The following MCTP1 variants were observed in gnomAD, a reference collection of about 807,000 sequenced individuals.
MCTP1 encodes the protein multiple C2 and transmembrane domain containing 1.
MCTP1 carries 69 observed loss-of-function variants against 120.6 expected under a neutral mutation model. That is an observed-to-expected ratio of 0.57 (90% CI 0.47 to 0.70). MCTP1 has a LOEUF of 0.70. MCTP1 is among the 30% of genes least tolerant of loss of function. The probability of loss-of-function intolerance (pLI) is 0.00; values close to 1 mark genes in which losing one functional copy is unlikely to be tolerated. For synonymous variants in MCTP1, 529 were observed against 493.1 expected (o/e 1.07, Z -0.96); for missense variants, 1,203 against 1,248.8 (o/e 0.96, Z 0.55).
chr5:95,096,366 C>T (rs184096071), intron 1 of MCTP1, among the ~76,000 whole-genome samples: 7 of 152,282 alleles, frequency 4.6e-5, no homozygotes, highest in Admixed American at 4.6e-4. Context: ...GAGACACTGA[C>T]ATATTCACAA....
intron 3 of MCTP1, among the ~76,000 whole-genome samples, chr5:94,950,151 AGTATT>A (rs1457284908): frequency 6.6e-6 from 1 of 152,106 alleles, no homozygotes; most frequent in African/African-American, 2.4e-5. Context: ...AATATTATAA[AGTATT>A]GTATATAATA....
chr5:94,955,439 G>T (rs1023921807), intron 2 of MCTP1, among the ~76,000 whole-genome samples: 1 of 152,194 alleles, frequency 6.6e-6, no homozygotes, highest in African/African-American at 2.4e-5. Flanking sequence ...CCTGGTAAGG[G>T]GGCTAAAGCC....
intron 2 of MCTP1, among the ~76,000 whole-genome samples, chr5:94,998,866 C>G (rs1833110625): frequency 6.6e-6 from 1 of 152,104 alleles, no homozygotes; most frequent in African/African-American, 2.4e-5. Context: ...TAGACATTGC[C>G]CAAACCTGAT....
At chr5:94,789,179 CA>C (rs1171344930) in intron 18 of MCTP1, 2 of 152,174 alleles carry the variant, frequency 1.3e-5, no homozygotes, top group African/African-American at 4.8e-5. Context: ...TTCTTATATG[CA>C]TCTCTGGAGA....
intron 17 of MCTP1, among the ~76,000 whole-genome samples, chr5:94,843,096 A>T (rs1021144453): frequency 6.6e-6 from 1 of 151,794 alleles, no homozygotes; most frequent in Non-Finnish European, 1.5e-5. Flanking sequence ...TATATTTTTT[A>T]TCAGTCTAGA....
chr5:94,896,599 G>A (rs1352721045), intron 10 of MCTP1, among the ~76,000 whole-genome samples: 1 of 152,106 alleles, frequency 6.6e-6, no homozygotes, highest in East Asian at 1.9e-4. Flanking sequence ...TGCATTTAAT[G>A]CTTTACAGGT....
intron 1 of MCTP1, among the ~76,000 whole-genome samples, chr5:95,051,194 A>G (rs1007373948): frequency 6.6e-6 from 1 of 152,180 alleles, no homozygotes; most frequent in Non-Finnish European, 1.5e-5. Context: ...CTTAAAAGTT[A>G]TTTATTTTAA....
intron 12 of MCTP1, among the ~76,000 whole-genome samples, chr5:94,885,836 C>G (rs1289131095): frequency 2.0e-5 from 3 of 152,292 alleles, no homozygotes; most frequent in Middle Eastern, 3.4e-3. Context: ...AGCTGACCAA[C>G]TTTTCAAACC....
At chr5:95,153,232 T>TC (rs770055900) in intron 1 of MCTP1, among the ~76,000 whole-genome samples, 2 of 151,982 alleles carry the variant, frequency 1.3e-5, no homozygotes, top group Non-Finnish European at 2.9e-5. Flanking sequence ...TGTTTGGCAT[T>TC]CCCCCCGACC....
At chr5:95,234,591 C>T (rs540458021) in intron 1 of MCTP1, among the ~76,000 whole-genome samples, 6 of 152,286 alleles carry the variant, frequency 3.9e-5, no homozygotes, top group Admixed American at 3.3e-4. Context: ...TCTATTCCTA[C>T]TCCTGAAACC....
chr5:94,859,609 C>A (rs777120144), intron 17 of MCTP1, among the ~76,000 whole-genome samples: 2 of 151,528 alleles, frequency 1.3e-5, no homozygotes, highest in African/African-American at 4.8e-5. Context: ...GAAAGCAAAA[C>A]GAAAAGAATT....
chr5:94,990,778 G>A (rs547155367), intron 2 of MCTP1, among the ~76,000 whole-genome samples: 40 of 152,186 alleles, frequency 2.6e-4, no homozygotes, highest in African/African-American at 9.4e-4. Context: ...CTTAAATCCA[G>A]CCTTATTTAG....
intron 1 of MCTP1, among the ~76,000 whole-genome samples, chr5:95,073,130 G>T (rs1752675034): frequency 6.6e-6 from 1 of 152,190 alleles, no homozygotes; most frequent in Non-Finnish European, 1.5e-5. Context: ...AATGAAGCTT[G>T]CAAGGCCTTC....
At chr5:95,085,750 G>A (rs1755385342) in intron 1 of MCTP1, among the ~76,000 whole-genome samples, 1 of 151,954 alleles carries the variant, frequency 6.6e-6, no homozygotes, top group Non-Finnish European at 1.5e-5. Flanking sequence ...TCTTGTAAAC[G>A]ATCTCCAGAG....
chr5:94,790,618 C>A (rs1778690312), intron 18 of MCTP1, among the ~76,000 whole-genome samples: 1 of 152,066 alleles, frequency 6.6e-6, no homozygotes, highest in Non-Finnish European at 1.5e-5. Context: ...TCATGTCGGG[C>A]CTTAAAATGG....
At chr5:94,998,502 A>G (rs1237411785) in intron 2 of MCTP1, among the ~76,000 whole-genome samples, 1 of 152,164 alleles carries the variant, frequency 6.6e-6, no homozygotes, top group Admixed American at 6.5e-5. Flanking sequence ...CCGCCTGACA[A>G]TATCCCTTTT....
At chr5:95,075,763 A>C (rs1274358119) in intron 1 of MCTP1, among the ~76,000 whole-genome samples, 1 of 152,238 alleles carries the variant, frequency 6.6e-6, no homozygotes, top group Non-Finnish European at 1.5e-5. Flanking sequence ...AACTTGAAAC[A>C]ATAACTTTCT....
intron 1 of MCTP1, among the ~76,000 whole-genome samples, chr5:95,097,618 T>C (rs898200701): frequency 1.3e-5 from 2 of 152,182 alleles, no homozygotes; most frequent in African/African-American, 4.8e-5. Flanking sequence ...TCATGGGAAG[T>C]TTCTCATCTC....
At chr5:95,163,275 A>G (rs1215658463) in intron 1 of MCTP1, among the ~76,000 whole-genome samples, 1 of 152,220 alleles carries the variant, frequency 6.6e-6, no homozygotes. Flanking sequence ...ACAAGGCCTC[A>G]GTTCCCAAGG....
Sources: gnomAD v4.1 joint callset for allele counts (sites outside exome capture counted in the v4.1 genomes callset) on GRCh38, gnomAD v4.1.1 for gene constraint, MANE v1.5 for transcripts, NCBI Gene and HGNC (gene_info 2026-07-23, HGNC 2026-07-21) for gene names.